The following GRID2 variants were observed in gnomAD, a reference collection of about 807,000 sequenced individuals.
GRID2 encodes glutamate ionotropic receptor delta type subunit 2.
Under a neutral mutation model 114.8 loss-of-function variants are expected in GRID2, and 33 were observed. The observed-to-expected ratio is 0.29, with a 90% confidence interval of 0.22 to 0.38. The LOEUF (loss-of-function observed/expected upper bound fraction) is 0.38, where lower values mean the gene tolerates loss of function less well. GRID2 is among the 10% of genes least tolerant of loss of function. The pLI is 1.00. For synonymous variants in GRID2, 505 were observed against 449.9 expected (o/e 1.12, Z -1.55); for missense variants, 1,184 against 1,257.7 (o/e 0.94, Z 0.89).
chr4:93,303,733 A>G (rs112544545), intron 8 of GRID2, among the ~76,000 whole-genome samples: 6 of 151,680 alleles, frequency 4.0e-5, no homozygotes, highest in African/African-American at 1.5e-4. Flanking sequence ...TTAGCCAGCA[A>G]TCCATTCTAC....
intron 1 of GRID2, among the ~76,000 whole-genome samples, chr4:92,556,510 A>G (rs566414658): frequency 6.6e-6 from 1 of 152,216 alleles, no homozygotes; most frequent in South Asian, 2.1e-4. Flanking sequence ...TTATATAACA[A>G]ATTACCCCAA....
chr4:92,676,996 T>C (rs924250541), intron 2 of GRID2, among the ~76,000 whole-genome samples: 2 of 152,106 alleles, frequency 1.3e-5, no homozygotes, highest in Non-Finnish European at 2.9e-5. Flanking sequence ...TTGAAGACAT[T>C]ATGCTAAATA....
chr4:92,373,126 C>A (rs1729194319), intron 1 of GRID2, among the ~76,000 whole-genome samples: 1 of 152,092 alleles, frequency 6.6e-6, no homozygotes, highest in African/African-American at 2.4e-5. Flanking sequence ...AGCAGTGGTG[C>A]TTTGTCTGCA....
intron 1 of GRID2, among the ~76,000 whole-genome samples, chr4:92,500,919 C>T (rs1030880616): frequency 6.6e-6 from 1 of 152,090 alleles, no homozygotes; most frequent in Non-Finnish European, 1.5e-5. Context: ...CCAGAGCTCC[C>T]TTTATTTTCT....
intron 8 of GRID2, among the ~76,000 whole-genome samples, chr4:93,248,459 T>C (rs1748449455): frequency 1.3e-5 from 2 of 152,124 alleles, no homozygotes; most frequent in African/African-American, 4.8e-5. Flanking sequence ...ATTTATTACA[T>C]GACAACACTC....
At chr4:92,988,433 A>C (rs1436110283) in intron 2 of GRID2, among the ~76,000 whole-genome samples, 1 of 152,192 alleles carries the variant, frequency 6.6e-6, no homozygotes, top group Non-Finnish European at 1.5e-5. Flanking sequence ...AGAAAAAGGA[A>C]GCAAGACAAA....
At chr4:92,791,770 T>G (rs1332406078) in intron 2 of GRID2, among the ~76,000 whole-genome samples, 1 of 151,816 alleles carries the variant, frequency 6.6e-6, no homozygotes, top group Non-Finnish European at 1.5e-5. Flanking sequence ...AGTAACCCTT[T>G]CTTTAGGCAG....
chr4:92,872,155 A>G (rs1474159889), intron 2 of GRID2, among the ~76,000 whole-genome samples: 5 of 152,202 alleles, frequency 3.3e-5, no homozygotes, highest in African/African-American at 9.6e-5. Context: ...AGCTTGTTTC[A>G]TATCATAATT....
Position 92,653,203 on chromosome 4 carries a change from T to G in GRID2, c.244+62917T>G, listed in dbSNP as rs189005137. On this transcript the variant is annotated intron_variant, in intron 2 of 15. Transcript: ENST00000282020. ...TTAGTAGAGATGGGGTGTCACCATC[T>G]TGGCCAGGCTGGTCTTGAACTCCTG... Among the ~76,000 whole-genome samples, 326 of 150,352 alleles carry G rather than the reference T, an allele frequency of 2.2e-3. 3 individuals carry two copies. The highest frequency in any genetic ancestry group is 6.8e-3 in the Middle Eastern group (2 of 294).
At chr4:92,810,747 T>G (rs1183808115) in intron 2 of GRID2, among the ~76,000 whole-genome samples, 1 of 152,092 alleles carries the variant, frequency 6.6e-6, no homozygotes, top group East Asian at 1.9e-4. Flanking sequence ...AATCAAGGTT[T>G]TAATTTTTTG....
intron 13 of GRID2, among the ~76,000 whole-genome samples, chr4:93,592,754 A>G (rs931712765): frequency 5.3e-5 from 8 of 152,170 alleles, no homozygotes; most frequent in African/African-American, 1.7e-4. Context: ...TATTGGGTGC[A>G]TACATATTTA....
chr4:92,932,786 T>A (rs950615697), intron 2 of GRID2, among the ~76,000 whole-genome samples: 1 of 151,288 alleles, frequency 6.6e-6, no homozygotes, highest in South Asian at 2.1e-4. Flanking sequence ...AAAGTCTTTA[T>A]TGAGCTAAAA....
At chr4:92,546,586 A>G (rs1195516427) in intron 1 of GRID2, among the ~76,000 whole-genome samples, 1 of 152,204 alleles carries the variant, frequency 6.6e-6, no homozygotes, top group African/African-American at 2.4e-5. Context: ...GCACGTGCAC[A>G]TGTGCACGTA....
intron 1 of GRID2, among the ~76,000 whole-genome samples, chr4:92,407,666 A>G (rs1731093935): frequency 6.6e-6 from 1 of 152,018 alleles, no homozygotes; most frequent in Non-Finnish European, 1.5e-5. Flanking sequence ...TTTGATTTGC[A>G]TTTCTCTGAT....
intron 2 of GRID2, among the ~76,000 whole-genome samples, chr4:92,941,362 G>A (rs1490807189): frequency 6.6e-6 from 1 of 152,154 alleles, no homozygotes; most frequent in African/African-American, 2.4e-5. Context: ...GCATAGAGGT[G>A]TTTATAGTAT....
At chr4:93,003,075 C>T (rs999179815) in intron 2 of GRID2, among the ~76,000 whole-genome samples, 1 of 151,772 alleles carries the variant, frequency 6.6e-6, no homozygotes, top group Non-Finnish European at 1.5e-5. Flanking sequence ...CTCCACATCC[C>T]AAGAATCTTA....
At chr4:93,784,799 A>G (rs1272247389) in intron 1 of GRID2, among the ~76,000 whole-genome samples, 1 of 152,196 alleles carries the variant, frequency 6.6e-6, no homozygotes, top group Non-Finnish European at 1.5e-5. Context: ...GATACAATGT[A>G]TTACAGAAAC....
intron 3 of GRID2, among the ~76,000 whole-genome samples, chr4:93,103,569 C>G (rs915597613): frequency 6.6e-6 from 1 of 151,992 alleles, no homozygotes. Flanking sequence ...CTTATACAGT[C>G]TGGATAAGAA....
At chr4:93,566,829 A>T (rs1560760792) in intron 13 of GRID2, among the ~76,000 whole-genome samples, 1 of 152,130 alleles carries the variant, frequency 6.6e-6, no homozygotes, top group African/African-American at 2.4e-5. Context: ...CAAAGAATGA[A>T]TTTTTTTATA....
Sources: allele counts gnomAD v4.1 joint callset (sites outside exome capture counted in the v4.1 genomes callset), GRCh38; gene constraint gnomAD v4.1.1; transcripts MANE v1.5; gene names NCBI Gene and HGNC (gene_info 2026-07-23, HGNC 2026-07-21).